Variants in DNAAF9 observed in about 807,000 individuals in gnomAD.
DNAAF9 encodes the protein shulin.
DNAAF9 carries 90 observed loss-of-function variants against 167.0 expected under a neutral mutation model. The observed-to-expected ratio is 0.54, with a 90% CI of 0.45 to 0.64. The LOEUF (loss-of-function observed/expected upper bound fraction) is 0.64. Among genes scored for constraint, DNAAF9 ranks in the 30% least tolerant of loss-of-function variants. DNAAF9 has a pLI of 0.00. For missense variants in DNAAF9, 1,315 were observed against 1,442.2 expected, an observed-to-expected ratio of 0.91 and a Z score of 1.43; for synonymous variants, 491 against 508.8, an observed-to-expected ratio of 0.96 and a Z score of 0.47.
chr20:3,402,064 C>T (rs2083995476), intron 1 of DNAAF9, among the ~76,000 whole-genome samples: 2 of 152,132 alleles, frequency 1.3e-5, no homozygotes, highest in African/African-American at 4.8e-5. Context: ...TTTCTTACAC[C>T]TGCCTGAGAG....
At chr20:3,374,843 G>GA (rs2083554353) in intron 5 of DNAAF9, among the ~76,000 whole-genome samples, 187 bp downstream of exon 5, 1 of 152,164 alleles carries the variant, frequency 6.6e-6, no homozygotes, top group South Asian at 2.1e-4. Context: ...TGTTGCTGCA[G>GA]AAACTTCACA....
chr20:3,280,332 A>G (rs6037528), intron 28 of DNAAF9, among the ~76,000 whole-genome samples: 37,944 of 151,854 alleles, frequency 0.25, 5,330 homozygotes, highest in African/African-American at 0.37. Flanking sequence ...GGAGGCTGAG[A>G]TGGGCAGATC....
In DNAAF9 at chr20:3,322,242, T is replaced by C; in HGVS notation, c.1331A>G (p.Glu444Gly). ...NQGRIVPLDS[E>G]DSLSFVKTAC... is the part of the protein sequence containing the mutation. Reference sequence around the variant, plus strand: ...CGTCTTCACAAAGGATAAGCTATCTTCACTGTCCAGCGGTACAATTCTAGG... The same window carrying C: ...CGTCTTCACAAAGGATAAGCTATCTCCACTGTCCAGCGGTACAATTCTAGG... Residue 444 changes from glutamate (E) to glycine (G), a missense_variant, in exon 16 of 37, where the codon GAA becomes GGA. Physicochemically the swap from Glu to Gly is moderately conservative, Grantham distance 98. This residue lies in a region of DNAAF9 where 981 missense variants were observed against 1,012.5 expected (regional missense o/e 0.97). Transcript: ENST00000252032. The C allele has an allele frequency of 1.2e-6, 2 of 1,610,738 alleles. No individual in the cohort carries two copies. The highest frequency in any genetic ancestry group is 1.7e-6 in the Non-Finnish European group (2 of 1,177,726).
intron 1 of DNAAF9, among the ~76,000 whole-genome samples, chr20:3,402,011 A>C (rs144146068): frequency 1.1e-4 from 17 of 152,324 alleles, no homozygotes; most frequent in African/African-American, 3.8e-4. Context: ...CGGGCATGTG[A>C]GGTCAAATTT....
At chr20:3,341,852 A>G (rs976503436) in intron 9 of DNAAF9, among the ~76,000 whole-genome samples, 2 of 151,926 alleles carry the variant, frequency 1.3e-5, no homozygotes, top group Non-Finnish European at 2.9e-5. Context: ...ATCTCGGCTC[A>G]CTGCAAGCTC....
chr20:3,390,017 C>G (rs1401459875), intron 1 of DNAAF9, among the ~76,000 whole-genome samples: 1 of 139,434 alleles, frequency 7.2e-6, no homozygotes, highest in Non-Finnish European at 1.5e-5. Flanking sequence ...GCCTGGGCAA[C>G]AGAGCAAGAC....
chr20:3,352,846 T>TTATATATA (rs11471503), intron 7 of DNAAF9, among the ~76,000 whole-genome samples: 7,212 of 146,632 alleles, frequency 0.049, 266 homozygotes, highest in Middle Eastern at 0.076. Flanking sequence ...TTCAAAATAT[T>TTATATATA]TATATATATA....
intron 13 of DNAAF9, among the ~76,000 whole-genome samples, chr20:3,325,517 G>C (rs949457972): frequency 6.6e-6 from 1 of 152,230 alleles, no homozygotes; most frequent in Non-Finnish European, 1.5e-5. Context: ...AGTTCAGTGA[G>C]GAGGGGAGAT....
rs563296474 is a variant in DNAAF9, at chr20:3,265,461, G to A, written c.2787-937C>T. Among the ~76,000 whole-genome samples, 608 of 150,830 alleles carry A rather than the reference G, an allele frequency of 4.0e-3. 2 individuals are homozygous for A. Among genetic ancestry groups the A allele is most frequent in the Non-Finnish European group, 6.7e-3 (456 of 67,702 alleles). On this transcript the variant is annotated intron_variant, in intron 30 of 36. Coordinates refer to ENST00000252032, the MANE Select transcript of DNAAF9 (RefSeq NM_001009984.3). ...ACGCGCCTGTAGTCCCAGCTACTTA[G>A]GAGGCCGAGGCAGGAGAATCACTTG...
At chr20:3,389,016 T>TAGG (rs1338096606) in intron 1 of DNAAF9, among the ~76,000 whole-genome samples, 40 of 152,332 alleles carry the variant, frequency 2.6e-4, no homozygotes, top group African/African-American at 9.6e-4. Flanking sequence ...TTGCCTAGGC[T>TAGG]GGAGTGCAAT....
At position 3,251,517 on chromosome 20, in the gene DNAAF9, A is replaced by G. The variant is rs972935394; in HGVS notation, c.*1055T>C. 6.6e-6 allele frequency: 1 copy of G among 152,242 alleles called. No individual in the cohort carries two copies. The highest frequency in any genetic ancestry group is 2.4e-5 in the African/African-American group (1 of 41,460). 9.4% of individuals were successfully genotyped at this position (152,242 alleles called of 1,614,324 possible). A position where few individuals can be genotyped will look rare whatever the true frequency, so the allele number is the denominator to read the frequency against. On this transcript the variant is annotated 3_prime_UTR_variant, in exon 37 of 37. Transcript: ENST00000252032. Reference sequence around the variant, plus strand: ...TCCCCTCTGCTTTATGGTCCAGCTTAAAACGATGCCATTAGAAGGAATTCT... The same window carrying G: ...TCCCCTCTGCTTTATGGTCCAGCTTGAAACGATGCCATTAGAAGGAATTCT...
intron 10 of DNAAF9, among the ~76,000 whole-genome samples, chr20:3,339,473 G>A (rs1225086036): frequency 6.6e-6 from 1 of 152,134 alleles, no homozygotes. Flanking sequence ...TGAAGCTGTA[G>A]GTGCCAGGGA....
chr20:3,303,685 C>G (rs1340211321), intron 21 of DNAAF9, among the ~76,000 whole-genome samples: 1 of 152,234 alleles, frequency 6.6e-6, no homozygotes, highest in Admixed American at 6.5e-5. Context: ...AAATACCTCA[C>G]ATAGTCTCTG....
At chr20:3,296,017 G>C in intron 23 of DNAAF9, 1 of 1,294,088 alleles carries the variant, frequency 7.7e-7, no homozygotes, top group Non-Finnish European at 1.1e-6. Flanking sequence ...CGGGAACTTC[G>C]GTTTCAAGCT....
intron 10 of DNAAF9, among the ~76,000 whole-genome samples, chr20:3,338,231 G>T (rs1283991178): frequency 6.6e-6 from 1 of 151,882 alleles, no homozygotes; most frequent in East Asian, 1.9e-4. Flanking sequence ...GGATAAGTTT[G>T]TTGGATATAA....
At chr20:3,303,956 C>G (rs2069240274) in intron 21 of DNAAF9, among the ~76,000 whole-genome samples, 1 of 152,202 alleles carries the variant, frequency 6.6e-6, no homozygotes, top group South Asian at 2.1e-4. Context: ...AGGGGCTAAA[C>G]TCTCACGGGG....
At chr20:3,306,085 A>C (rs1340834224) in intron 20 of DNAAF9, among the ~76,000 whole-genome samples, 2 of 152,054 alleles carry the variant, frequency 1.3e-5, no homozygotes, top group Non-Finnish European at 2.9e-5. Context: ...TGCCCTCCTG[A>C]CCATGCCATA....
At chr20:3,347,121 G>A (rs865919823) in intron 8 of DNAAF9, among the ~76,000 whole-genome samples, 23 of 151,450 alleles carry the variant, frequency 1.5e-4, no homozygotes, top group African/African-American at 5.6e-4. Context: ...AGCTGCCAGA[G>A]GGGGAAAAAA....
rs1008706221 is a variant in DNAAF9, at chr20:3,332,210, T to C, written c.1063+70A>G. 5 of 839,286 alleles carry C rather than the reference T, an allele frequency of 6.0e-6. No homozygotes were observed. The Admixed American group carries it at 1.1e-4, about 18-fold the overall frequency. 52.0% of individuals were successfully genotyped at this position (839,286 alleles called of 1,614,324 possible). On this transcript the variant is annotated intron_variant, in intron 11 of 36. Coordinates refer to ENST00000252032, the MANE Select transcript of DNAAF9 (RefSeq NM_001009984.3). ...TCCAAGCAAAGTAGTGAATTGTATG[T>C]CAACTTCTAGTTCATGGGACAGACT...
Sources: gnomAD v4.1 joint callset for allele counts (sites outside exome capture counted in the v4.1 genomes callset) on GRCh38, gnomAD v4.1.1 for gene constraint, gnomAD v4.1.1 regional missense constraint, MANE v1.5 for transcripts, NCBI Gene and HGNC (gene_info 2026-07-23, HGNC 2026-07-21) for gene names.